The following UPF3A variants were observed in gnomAD, a reference collection of about 807,000 sequenced individuals.
The protein encoded by UPF3A is regulator of nonsense transcripts 3A.
A neutral mutation model predicts 53.5 loss-of-function variants in UPF3A; 42 were observed. That is an observed-to-expected ratio of 0.78 (90% confidence interval 0.61 to 1.01). UPF3A has a LOEUF of 1.01. Among genes scored for constraint, UPF3A ranks in the 50% least tolerant of loss-of-function variants. The pLI is 0.00. For missense variants in UPF3A, 575 were observed against 598.0 expected (o/e 0.96, Z 0.40); for synonymous variants, 237 against 225.3 (o/e 1.05, Z -0.47).
intron 5 of UPF3A, among the ~76,000 whole-genome samples, chr13:114,289,960 C>T (rs554358117): frequency 6.6e-5 from 10 of 152,242 alleles, no homozygotes; most frequent in Admixed American, 5.9e-4. Flanking sequence ...TGGTCTCGCC[C>T]GGCTCCTGGC....
chr13:114,286,346 A>G lies in UPF3A; in HGVS notation c.466A>G (p.Ile156Val), dbSNP rs1377871891. Reference protein sequence around the residue: ...AVVEFAPFQKIAKKKLRKKDA... With the variant: ...AVVEFAPFQKVAKKKLRKKDA... ...GGTAGAGTTTGCTCCATTCCAGAAG[A>G]TAGCCAAAAAGAAGCTGAGAAAAAA... is the stretch of plus-strand genomic sequence containing the variant. The change falls in exon 4 of 10, where the codon ATA becomes GTA. Residue 156 changes from isoleucine to valine, a missense_variant. Transcript: ENST00000375299. 6.2e-7 allele frequency: 1 copy of G among 1,614,232 alleles called. No individual in the cohort carries two copies. Among genetic ancestry groups the G allele is most frequent in the South Asian group, 1.1e-5 (1 of 91,088 alleles).
chr13:114,304,089 T>G (rs1365921209), intron 9 of UPF3A, among the ~76,000 whole-genome samples: 1 of 152,126 alleles, frequency 6.6e-6, no homozygotes, highest in Admixed American at 6.5e-5. Flanking sequence ...GCAGGGAGAA[T>G]AGGCAGGGAG....
At chr13:114,304,737 C>T in intron 9 of UPF3A, 52 bp from the exon 10 acceptor site, 7 of 1,590,914 alleles carry the variant, frequency 4.4e-6, no homozygotes, top group Non-Finnish European at 6.0e-6. Context: ...AGATATTGAC[C>T]CTTCTGTGTT....
intron 7 of UPF3A, among the ~76,000 whole-genome samples, chr13:114,296,591 A>G (rs542822855): frequency 6.6e-6 from 1 of 152,178 alleles, no homozygotes; most frequent in Non-Finnish European, 1.5e-5. Context: ...GAGCCATTTC[A>G]GCAACTTACC....
Position 114,281,622 on chromosome 13 carries a change from C to T in UPF3A, c.-18C>T, listed in dbSNP as rs1002248599. 3.5e-6 allele frequency: 5 copies of T among 1,418,402 alleles called. No homozygotes were observed. The African/African-American group carries it at 4.5e-5, about 13-fold the overall frequency. 87.9% of individuals were successfully genotyped at this position (1,418,402 alleles called of 1,614,324 possible). ...TTTCGTCGGGGGCTGGCGGCTGCGG[C>T]TCGGCGGAGAGTGCGGCATGCGCTC... is the stretch of plus-strand genomic sequence containing the variant. On this transcript the variant is annotated 5_prime_UTR_variant, in exon 1 of 10. Transcript: ENST00000375299.
At position 114,292,347 on chromosome 13, in the gene UPF3A, C is replaced by T. The variant is rs553389561; in HGVS notation, c.846+555C>T. ...TGCAGATGTGTCACATGTTCATTTT[C>T]GGCTCAAGGCGTACACGTGCAGGTG... On this transcript the variant is annotated intron_variant, in intron 7 of 9. Coordinates refer to ENST00000375299, the MANE Select transcript of UPF3A (RefSeq NM_023011.4). Among the ~76,000 whole-genome samples, 5 of 150,400 alleles carry T rather than the reference C, an allele frequency of 3.3e-5. No homozygotes were observed. In the East Asian group the frequency reaches 9.9e-4, roughly 30 times the overall value.
In UPF3A at chr13:114,295,331, A is replaced by AGCTCGTCTCCAGCG. The variant is rs1566756590; in HGVS notation, c.847-3505_847-3504insGTCTCCAGCGGCTC. Among the ~76,000 whole-genome samples the AGCTCGTCTCCAGCG allele has an allele frequency of 8.0e-3, 351 of 43,808 alleles. 2 individuals are homozygous for AGCTCGTCTCCAGCG. The highest frequency in any genetic ancestry group is 0.022 in the African/African-American group (277 of 12,460). 28.7% of individuals were successfully genotyped at this position (43,808 alleles called of 152,430 possible). A position where few individuals can be genotyped will look rare whatever the true frequency, so the allele number is the denominator to read the frequency against. ...GCCTGCTCCCCAGCTCGTCTCCAGC[A>AGCTCGTCTCCAGCG]GCTCTGGCCTGCTCCCCAGCTCGTC... On this transcript the variant is annotated intron_variant, in intron 7 of 9. Coordinates refer to ENST00000375299, the MANE Select transcript of UPF3A (RefSeq NM_023011.4).
chr13:114,281,655 G>A lies in UPF3A; in HGVS notation c.16G>A (p.Glu6Lys), dbSNP rs970416488. 11 of 1,506,092 alleles carry A rather than the reference G, an allele frequency of 7.3e-6. No homozygotes were observed. The African/African-American group carries it at 1.6e-4, about 22-fold the overall frequency. 93.3% of individuals were successfully genotyped at this position (1,506,092 alleles called of 1,614,324 possible). ...AGAGTGCGGCATGCGCTCGGAAAAG[G>A]AGGGGGCCGGAGGCCTTCGGGCGGC... MRSEK[E>K]GAGGLRAAVA... The change falls in exon 1 of 10, where the codon GAG becomes AAG. Residue 6 changes from glutamate to lysine, a missense_variant. Around this residue, in one of 2 missense-constraint regions of UPF3A, gnomAD observed 252 missense variants for 182.7 expected, o/e 1.38. Coordinates refer to ENST00000375299, the MANE Select transcript of UPF3A (RefSeq NM_023011.4).
intron 8 of UPF3A, among the ~76,000 whole-genome samples, chr13:114,300,680 C>T (rs1391324751): frequency 1.3e-5 from 2 of 152,170 alleles, no homozygotes; most frequent in African/African-American, 4.8e-5. Context: ...GCTGGAATTA[C>T]AGGCATGCCC....
chr13:114,298,815 C>G, intron 7 of UPF3A, 25 bp from the exon 8 acceptor site: 13 of 1,518,200 alleles, frequency 8.6e-6, no homozygotes, highest in Non-Finnish European at 1.1e-5. Flanking sequence ...CAAGGTGATA[C>G]TTTACTAACA....
intron 7 of UPF3A, among the ~76,000 whole-genome samples, chr13:114,295,768 G>T (rs2085920572): frequency 6.6e-6 from 1 of 152,190 alleles, no homozygotes; most frequent in African/African-American, 2.4e-5. Flanking sequence ...CGAGGCAGGG[G>T]CACCTCTTGT....
chr13:114,282,494 C>T, intron 2 of UPF3A: 1 of 985,396 alleles, frequency 1.0e-6, no homozygotes, highest in Non-Finnish European at 1.2e-6. Flanking sequence ...CACGCTGGTG[C>T]CGCAGCCAGT....
At chr13:114,282,418 G>C (rs1051847315) in intron 2 of UPF3A, 1 of 1,210,032 alleles carries the variant, frequency 8.3e-7, no homozygotes, top group South Asian at 2.2e-5. Flanking sequence ...CGCCTCCCGG[G>C]CTTCCCTGCT....
intron 8 of UPF3A, among the ~76,000 whole-genome samples, chr13:114,299,608 A>T (rs1179461749): frequency 2.0e-5 from 3 of 152,100 alleles, no homozygotes; most frequent in African/African-American, 7.2e-5. Flanking sequence ...GTGCAGCTCT[A>T]TGGAGGGAGC....
chr13:114,282,721 T>C (rs892680928), intron 2 of UPF3A, 116 bp from the exon 3 acceptor site: 88 of 1,502,394 alleles, frequency 5.9e-5, no homozygotes, highest in Non-Finnish European at 7.4e-5. Flanking sequence ...CTGAGATGAT[T>C]TGGCACAAAA....
intron 8 of UPF3A, 104 bp from the exon 9 acceptor site, chr13:114,301,627 C>A (rs1308657896): frequency 8.2e-7 from 1 of 1,215,710 alleles, no homozygotes; most frequent in Non-Finnish European, 1.2e-6. Context: ...GCGCTGAGCA[C>A]TTCGCATGGG....
Position 114,298,975 on chromosome 13 carries a change from G to A in UPF3A, c.982G>A (p.Gly328Ser), listed in dbSNP as rs139333511. The change falls in exon 8 of 10, where the codon GGC (glycine) becomes AGC (serine). Residue 328 changes from glycine to serine, a missense_variant. Around this residue, in one of 2 missense-constraint regions of UPF3A, gnomAD observed 323 missense variants for 415.2 expected, o/e 0.78. Coordinates refer to ENST00000375299, the MANE Select transcript of UPF3A (RefSeq NM_023011.4). ...AGTCGTAAAAGCCAGGCCCATGGAA[G>A]GCTCGCTGGAGGAGCCCCAGGAGAC... ...GAVVKARPME[G>S]SLEEPQETSH... 6.2e-7 allele frequency: 1 copy of A among 1,604,906 alleles called. No homozygotes were observed. Among genetic ancestry groups the A allele is most frequent in the Non-Finnish European group, 8.5e-7 (1 of 1,177,146 alleles).
intron 3 of UPF3A, chr13:114,284,090 A>G: frequency 1.0e-6 from 1 of 985,258 alleles, no homozygotes; most frequent in Non-Finnish European, 1.2e-6. Context: ...TGGGCCGGGC[A>G]CAGTGGCTCA....
rs765781791 is a variant in UPF3A at position 114,301,857 on chromosome 13, T to G, written c.1134T>G (p.Leu378=). The G allele has an allele frequency of 1.2e-6, 2 of 1,613,148 alleles. No individual in the cohort carries two copies. The highest frequency in any genetic ancestry group is 2.2e-5 in the South Asian group (2 of 90,976). The change falls in exon 9 of 10, where the codon CTT becomes CTG. Residue 378 remains leucine (L), a synonymous_variant. Coordinates refer to ENST00000375299, the MANE Select transcript of UPF3A (RefSeq NM_023011.4). ...GAGCTCACCACGAGCCTGAACGGCT[T>G]TCCAGAAGGAGTGAGGATGAGCAGA... ...RHRAHHEPER[L]SRRSEDEQRW...
Sources: gnomAD v4.1 joint callset for allele counts (sites outside exome capture counted in the v4.1 genomes callset) on GRCh38, gnomAD v4.1.1 for gene constraint, gnomAD v4.1.1 regional missense constraint, MANE v1.5 for transcripts, NCBI Gene and HGNC (gene_info 2026-07-23, HGNC 2026-07-21) for gene names.